ADGRG6: variants seen among roughly 807,000 people sequenced by gnomAD.
ADGRG6 encodes G-protein coupled receptor 126.
Under a neutral mutation model 142.4 loss-of-function variants are expected in ADGRG6, and 84 were observed. That is an observed-to-expected ratio of 0.59 (90% CI 0.49 to 0.71). The LOEUF is 0.71. Ranked by LOEUF, ADGRG6 falls within the 30% of genes least tolerant of loss-of-function variation. ADGRG6 has a pLI of 0.00. For missense variants in ADGRG6, 1,367 were observed against 1,466.6 expected (o/e 0.93, Z 1.11); for synonymous variants, 521 against 520.5 (o/e 1.00, Z -0.01).
Position 142,397,607 on chromosome 6 carries a change from C to T in ADGRG6, c.1425-6C>T. The T allele has an allele frequency of 6.2e-7, 1 of 1,607,310 alleles. No homozygotes were observed. Among genetic ancestry groups the T allele is most frequent in the Non-Finnish European group, 8.5e-7 (1 of 1,177,292 alleles). ...AACAACAGTTCTATCCGAAATGTTT[C>T]CCTAGGTTGGTGCTTTGGGCCCTTC... On this transcript the variant is annotated splice_region_variant and splice_polypyrimidine_tract_variant and intron_variant, in intron 9 of 24. Coordinates refer to ENST00000367609, the MANE Select transcript of ADGRG6 (RefSeq NM_198569.3).
chr6:142,374,279 C>T (rs192000267), intron 4 of ADGRG6, among the ~76,000 whole-genome samples: 9 of 152,260 alleles, frequency 5.9e-5, no homozygotes, highest in Admixed American at 5.9e-4. Context: ...GAAAACAAAC[C>T]AATCACCCAC....
In ADGRG6 at chr6:142,417,186, A is replaced by G. The variant is rs79312879; in HGVS notation, c.2939-87A>G. The stretch of plus-strand genomic sequence containing the variant: ...GCTTGCTTGCATTTCTCTTCTTTTC[A>G]TTTCTTTTCTTTACATTTCATTAGC... On this transcript the variant is annotated intron_variant, in intron 20 of 24. Coordinates refer to ENST00000367609, the MANE Select transcript of ADGRG6 (RefSeq NM_198569.3). 5.5e-6 allele frequency: 4 copies of G among 732,192 alleles called. No homozygotes were observed. The South Asian group carries it at 6.0e-5, about 11-fold the overall frequency. The allele number at this position is 732,192 out of a possible 1,614,324, so 45.4% of individuals were successfully genotyped here.
chr6:142,392,710 G>T (rs1255920521), intron 7 of ADGRG6, among the ~76,000 whole-genome samples: 1 of 151,836 alleles, frequency 6.6e-6, no homozygotes, highest in Non-Finnish European at 1.5e-5. Flanking sequence ...GGGGTGTGTG[G>T]GGATAATACC....
At chr6:142,379,887 C>G (rs969587359) in intron 4 of ADGRG6, among the ~76,000 whole-genome samples, 3 of 152,188 alleles carry the variant, frequency 2.0e-5, no homozygotes, top group Admixed American at 1.3e-4. Flanking sequence ...GTGACACAGC[C>G]TCAGGGGGTC....
Position 142,400,498 on chromosome 6 carries a change from C to T in ADGRG6, c.1581C>T (p.Ala527=). The change falls in exon 11 of 25, where the codon GCC becomes GCT. Residue 527 remains alanine, a synonymous_variant. Coordinates refer to ENST00000367609, the MANE Select transcript of ADGRG6 (RefSeq NM_198569.3). ...VNVRQLGHCL[A]MEEPKGYYWP... is the part of the protein sequence containing the mutation. ...ATGTTCATATAGGTCATTGTCTTGC[C>T]ATGGAGGAACCCAAAGGCTACTACT... The T allele has an allele frequency of 6.5e-7, 1 of 1,539,928 alleles. No individual in the cohort carries two copies. Among genetic ancestry groups the T allele is most frequent in the African/African-American group, 1.4e-5 (1 of 73,518 alleles).
chr6:142,346,630 G>A (rs1332570232), intron 2 of ADGRG6, among the ~76,000 whole-genome samples: 2 of 152,012 alleles, frequency 1.3e-5, no homozygotes, highest in African/African-American at 4.8e-5. Flanking sequence ...CAACCCAAAT[G>A]CCCATCAATG....
chr6:142,338,167 C>T (rs1249224024), intron 2 of ADGRG6, among the ~76,000 whole-genome samples: 2 of 151,290 alleles, frequency 1.3e-5, no homozygotes, highest in African/African-American at 2.4e-5. Flanking sequence ...ACTACAGGCG[C>T]CTGCCACTAC....
intron 24 of ADGRG6, among the ~76,000 whole-genome samples, chr6:142,439,398 T>G (rs902070842): frequency 6.6e-6 from 1 of 152,236 alleles, no homozygotes; most frequent in Non-Finnish European, 1.5e-5. Flanking sequence ...CAAAGAAGAT[T>G]AATACTTGGC....
intron 23 of ADGRG6, 148 bp downstream of exon 23, chr6:142,437,683 C>T (rs1039035921): frequency 1.7e-5 from 10 of 600,308 alleles, no homozygotes; most frequent in African/African-American, 1.5e-4. Flanking sequence ...CATAGAATAT[C>T]AGGGCTGGAA....
At chr6:142,370,101 T>G in intron 3 of ADGRG6, 69 bp from the exon 4 acceptor site, 1 of 1,335,462 alleles carries the variant, frequency 7.5e-7, no homozygotes. Flanking sequence ...GAGGGCTTGA[T>G]GTTTTGCATC....
At chr6:142,409,626 A>T (rs1775983333) in intron 16 of ADGRG6, among the ~76,000 whole-genome samples, 1 of 152,138 alleles carries the variant, frequency 6.6e-6, no homozygotes, top group Non-Finnish European at 1.5e-5. Flanking sequence ...TAATGATGGG[A>T]CATTTGTAGT....
At chr6:142,422,297 A>G (rs918164996) in intron 22 of ADGRG6, among the ~76,000 whole-genome samples, 3 of 151,968 alleles carry the variant, frequency 2.0e-5, no homozygotes, top group Admixed American at 6.6e-5. Context: ...TATATCTCCC[A>G]ATGCTATCCC....
At chr6:142,405,623 G>A in intron 14 of ADGRG6, 65 bp from the exon 15 acceptor site, 1 of 1,295,968 alleles carries the variant, frequency 7.7e-7, no homozygotes, top group Non-Finnish European at 1.1e-6. Flanking sequence ...AACTATACAT[G>A]TGGAATAAAG....
At chr6:142,346,839 C>T (rs2114750877) in intron 2 of ADGRG6, among the ~76,000 whole-genome samples, 1 of 119,380 alleles carries the variant, frequency 8.4e-6, no homozygotes, top group African/African-American at 3.3e-5. Flanking sequence ...AACACATGGA[C>T]ATAGGGAGGG....
rs777039172 is a variant in ADGRG6 at position 142,383,800 on chromosome 6, C to T, written c.1179C>T (p.Thr393=). The part of the protein sequence containing the change: ...NSPSTTPPTV[T]TNMPVTNRID... ...CTAGTACTACACCACCCACTGTCAC[C>T]ACTAACATGCCTGTTACTAACAGAA... Residue 393 remains threonine (T), a synonymous_variant, in exon 6 of 25, where the codon ACC becomes ACT. Coordinates refer to ENST00000367609, the MANE Select transcript of ADGRG6 (RefSeq NM_198569.3). 2.5e-6 allele frequency: 4 copies of T among 1,580,114 alleles called. No individual in the cohort carries two copies. The highest frequency in any genetic ancestry group is 3.5e-6 in the Non-Finnish European group (4 of 1,149,708).
intron 2 of ADGRG6, among the ~76,000 whole-genome samples, chr6:142,355,170 T>C (rs149113061): frequency 2.0e-5 from 3 of 152,258 alleles, no homozygotes; most frequent in Non-Finnish European, 4.4e-5. Context: ...ATCTAAAACT[T>C]TGTATTTATA....
chr6:142,437,594 G>C (rs1381829307), intron 23 of ADGRG6, 59 bp downstream of exon 23: 4 of 837,668 alleles, frequency 4.8e-6, no homozygotes, highest in African/African-American at 3.3e-5. Flanking sequence ...TTGTCATTCA[G>C]TCTTTCATTG....
At chr6:142,364,884 T>C (rs1173208336) in intron 2 of ADGRG6, among the ~76,000 whole-genome samples, 1 of 152,058 alleles carries the variant, frequency 6.6e-6, no homozygotes, top group East Asian at 1.9e-4. Context: ...ATAATGATAA[T>C]AAATTTTCTT....
intron 1 of ADGRG6, chr6:142,302,564 G>T: frequency 1.9e-6 from 1 of 520,322 alleles, no homozygotes. Context: ...CCCCCAGCGA[G>T]GTAAACCTCA....
Sources: allele counts gnomAD v4.1 joint callset (sites outside exome capture counted in the v4.1 genomes callset), GRCh38; gene constraint gnomAD v4.1.1; transcripts MANE v1.5; gene names NCBI Gene and HGNC (gene_info 2026-07-23, HGNC 2026-07-21).